Variants in PLPPR1 observed in about 807,000 individuals in gnomAD.
The protein encoded by PLPPR1 is phospholipid phosphatase related 1.
In PLPPR1, 10 loss-of-function variants were observed where a neutral mutation model predicts 33.1. The observed-to-expected ratio is 0.30, with a 90% CI of 0.19 to 0.51. The LOEUF (loss-of-function observed/expected upper bound fraction) is 0.51, where lower values mean the gene tolerates loss of function less well. Ranked by LOEUF, PLPPR1 falls within the 20% of genes least tolerant of loss-of-function variation. PLPPR1 has a pLI of 0.97. For missense variants in PLPPR1, 304 were observed against 408.1 expected, an observed-to-expected ratio of 0.74 and a Z score of 2.20; for synonymous variants, 151 against 151.0, an observed-to-expected ratio of 1.00 and a Z score of 0.00.
chr9:101,037,635 A>G (rs1830025207), intron 1 of PLPPR1, among the ~76,000 whole-genome samples: 3 of 152,168 alleles, frequency 2.0e-5, no homozygotes, highest in Admixed American at 2.0e-4. Context: ...CCCATCTCCC[A>G]GCCTTTGCTA....
At chr9:101,180,929 G>T (rs72741449) in intron 1 of PLPPR1, among the ~76,000 whole-genome samples, 20,686 of 151,576 alleles carry the variant, frequency 0.14, 1,641 homozygotes, top group Non-Finnish European at 0.18. Flanking sequence ...AAATGAAACA[G>T]TAGAGTTAAG....
chr9:101,288,916 T>C (rs1828444407), intron 4 of PLPPR1, among the ~76,000 whole-genome samples: 1 of 152,230 alleles, frequency 6.6e-6, no homozygotes, highest in Admixed American at 6.5e-5. Context: ...TTTGTAGCTA[T>C]TGAGCTTTTT....
In PLPPR1 at chr9:101,312,890, C is replaced by T. The variant is rs1423811075; in HGVS notation, c.729C>T (p.Gly243=). The T allele has an allele frequency of 3.7e-6, 6 of 1,614,164 alleles. No individual in the cohort carries two copies. Among genetic ancestry groups the T allele is most frequent in the Middle Eastern group, 3.3e-4 (2 of 6,062 alleles). The change falls in exon 6 of 8, where the codon GGC becomes GGT. Residue 243 remains glycine, a synonymous_variant. Transcript: ENST00000374874. ...LGTLCTAFLT[G]LNRVSEYRNH... is the part of the protein sequence containing the mutation. ...CTCTCTGCACAGCCTTCCTGACAGG[C>T]CTCAACCGGGTCTCTGAGTATCGGA...
At chr9:101,135,601 T>C (rs1018708443) in intron 1 of PLPPR1, among the ~76,000 whole-genome samples, 1 of 152,200 alleles carries the variant, frequency 6.6e-6, no homozygotes, top group Non-Finnish European at 1.5e-5. Flanking sequence ...TGTAGCTCCC[T>C]AAGATCTGCT....
At chr9:101,281,070 A>G (rs181385730) in intron 3 of PLPPR1, among the ~76,000 whole-genome samples, 7 of 148,146 alleles carry the variant, frequency 4.7e-5, no homozygotes, top group Non-Finnish European at 7.5e-5. Context: ...TAAATTCAAT[A>G]AAATTTCAGG....
At chr9:101,180,901 A>G (rs1246520705) in intron 1 of PLPPR1, among the ~76,000 whole-genome samples, 1 of 151,868 alleles carries the variant, frequency 6.6e-6, no homozygotes, top group Non-Finnish European at 1.5e-5. Context: ...TACACCAAAC[A>G]AAAAAGCTCT....
At chr9:101,228,108 C>G (rs1827108248) in intron 2 of PLPPR1, among the ~76,000 whole-genome samples, 1 of 152,184 alleles carries the variant, frequency 6.6e-6, no homozygotes, top group African/African-American at 2.4e-5. Flanking sequence ...ATCAATCTGA[C>G]AAATTCAAGA....
chr9:101,047,148 C>G (rs1302481834), intron 1 of PLPPR1, among the ~76,000 whole-genome samples: 1 of 152,160 alleles, frequency 6.6e-6, no homozygotes, highest in Non-Finnish European at 1.5e-5. Context: ...TCTTCCCCAG[C>G]AGAATGATTT....
At chr9:101,060,257 G>A (rs1174588237) in intron 1 of PLPPR1, among the ~76,000 whole-genome samples, 1 of 151,990 alleles carries the variant, frequency 6.6e-6, no homozygotes, top group Non-Finnish European at 1.5e-5. Flanking sequence ...CTTATACGTG[G>A]AGTGTCAAAT....
chr9:101,130,239 G>A (rs1395712937), intron 1 of PLPPR1, among the ~76,000 whole-genome samples: 1 of 152,128 alleles, frequency 6.6e-6, no homozygotes, highest in East Asian at 1.9e-4. Context: ...TCTCCCTTTA[G>A]TATTCCACTG....
At chr9:101,285,531 G>A (rs1362818897) in intron 3 of PLPPR1, among the ~76,000 whole-genome samples, 2 of 152,068 alleles carry the variant, frequency 1.3e-5, no homozygotes, top group African/African-American at 4.8e-5. Flanking sequence ...TTAATGTTGT[G>A]GTGGATAGGT....
At chr9:101,251,569 C>G (rs569809741) in intron 2 of PLPPR1, among the ~76,000 whole-genome samples, 1 of 152,040 alleles carries the variant, frequency 6.6e-6, no homozygotes, top group South Asian at 2.1e-4. Context: ...ATGCTTCGGA[C>G]TATATAAAGA....
intron 3 of PLPPR1, among the ~76,000 whole-genome samples, chr9:101,276,727 C>T (rs1344977133): frequency 6.6e-6 from 1 of 152,202 alleles, no homozygotes; most frequent in Non-Finnish European, 1.5e-5. Flanking sequence ...CGCCCTGGTG[C>T]TCTATTTTAT....
chr9:101,202,319 A>T (rs929802492), intron 2 of PLPPR1, among the ~76,000 whole-genome samples: 1 of 152,148 alleles, frequency 6.6e-6, no homozygotes, highest in Non-Finnish European at 1.5e-5. Flanking sequence ...TCACTGTGGG[A>T]ATCCTTTATT....
chr9:101,123,118 T>C (rs776853599), intron 1 of PLPPR1, among the ~76,000 whole-genome samples: 14 of 152,234 alleles, frequency 9.2e-5, no homozygotes, highest in South Asian at 2.1e-4. Flanking sequence ...AATATATCTC[T>C]ATATTTTCAA....
intron 3 of PLPPR1, among the ~76,000 whole-genome samples, chr9:101,274,650 T>C (rs1307810135): frequency 1.3e-4 from 20 of 152,172 alleles, no homozygotes; most frequent in Admixed American, 1.3e-3. Context: ...AGGAGTTGCA[T>C]TCACTTCTCC....
intron 2 of PLPPR1, among the ~76,000 whole-genome samples, chr9:101,199,432 A>G (rs2118744608): frequency 6.6e-6 from 1 of 152,274 alleles, no homozygotes; most frequent in Admixed American, 6.5e-5. Context: ...CTCTGTCCTA[A>G]TGTCAACTCT....
chr9:101,210,516 A>G (rs990385477), intron 2 of PLPPR1, among the ~76,000 whole-genome samples: 2 of 152,122 alleles, frequency 1.3e-5, no homozygotes, highest in African/African-American at 4.8e-5. Context: ...ATGACAGACT[A>G]TAAGAGGATT....
At chr9:101,170,933 C>G (rs1825933789) in intron 1 of PLPPR1, among the ~76,000 whole-genome samples, 1 of 152,004 alleles carries the variant, frequency 6.6e-6, no homozygotes, top group African/African-American at 2.4e-5. Flanking sequence ...GAACAAGATC[C>G]TGTCTCTTAA....
Sources: allele counts gnomAD v4.1 joint callset (sites outside exome capture counted in the v4.1 genomes callset), GRCh38; gene constraint gnomAD v4.1.1; transcripts MANE v1.5; gene names NCBI Gene and HGNC (gene_info 2026-07-23, HGNC 2026-07-21).